Variants in FHIT observed in about 807,000 individuals in gnomAD.
FHIT encodes the protein bis(5'-adenosyl)-triphosphatase.
In FHIT, 19 loss-of-function variants were observed where a neutral mutation model predicts 17.9. The ratio of observed to expected loss-of-function variants is 1.06; its 90% confidence interval spans 0.74 to 1.56. FHIT has a LOEUF of 1.56. FHIT is among the 40% of genes most tolerant of loss of function. The pLI is 0.00. For missense variants in FHIT, 248 were observed against 189.2 expected (o/e 1.31, Z -1.82); for synonymous variants, 81 against 69.7 (o/e 1.16, Z -0.81).
At chr3:61,226,094 A>G (rs2039964644) in intron 1 of FHIT, among the ~76,000 whole-genome samples, 1 of 152,206 alleles carries the variant, frequency 6.6e-6, no homozygotes, top group South Asian at 2.1e-4. Context: ...TGGAATACTA[A>G]AACAGTTTTC....
At chr3:60,439,587 G>T (rs1266462558) in intron 5 of FHIT, among the ~76,000 whole-genome samples, 3 of 152,016 alleles carry the variant, frequency 2.0e-5, no homozygotes, top group Admixed American at 1.3e-4. Context: ...CCTGGTCTCA[G>T]TCAGTGATTC....
chr3:60,126,976 T>C (rs529581535), intron 5 of FHIT, among the ~76,000 whole-genome samples: 74 of 152,324 alleles, frequency 4.9e-4, no homozygotes, highest in African/African-American at 1.6e-3. Flanking sequence ...CCATTTTTCC[T>C]GTGAAATTTC....
chr3:60,755,189 T>C (rs2042548086), intron 4 of FHIT, among the ~76,000 whole-genome samples: 1 of 152,182 alleles, frequency 6.6e-6, no homozygotes, highest in South Asian at 2.1e-4. Flanking sequence ...ACCAGGACTC[T>C]CAAACTCAAG....
chr3:60,112,190 G>C (rs1161576979), intron 5 of FHIT, among the ~76,000 whole-genome samples: 1 of 152,102 alleles, frequency 6.6e-6, no homozygotes, highest in Non-Finnish European at 1.5e-5. Flanking sequence ...AGTTGGTGCT[G>C]GAGAAATAAC....
At chr3:60,121,815 C>G (rs1217952622) in intron 5 of FHIT, among the ~76,000 whole-genome samples, 2 of 151,876 alleles carry the variant, frequency 1.3e-5, no homozygotes, top group African/African-American at 4.8e-5. Flanking sequence ...TGAAATAAAC[C>G]TGTGATCCTA....
chr3:60,367,555 T>C (rs1700159610), intron 5 of FHIT, among the ~76,000 whole-genome samples: 1 of 152,232 alleles, frequency 6.6e-6, no homozygotes, highest in Non-Finnish European at 1.5e-5. Context: ...ATACATTTGA[T>C]GTATTTGAAA....
chr3:60,623,322 G>A (rs375018830), intron 4 of FHIT, among the ~76,000 whole-genome samples: 1 of 152,016 alleles, frequency 6.6e-6, no homozygotes, highest in Non-Finnish European at 1.5e-5. Flanking sequence ...CTCTAAATTC[G>A]ACATGCCATC....
At chr3:60,042,928 CTGTT>C (rs747676061) in intron 5 of FHIT, among the ~76,000 whole-genome samples, 10 of 152,270 alleles carry the variant, frequency 6.6e-5, no homozygotes, top group Middle Eastern at 3.4e-3. Context: ...ATTTCCCTGG[CTGTT>C]TGTTACCTTG....
intron 1 of FHIT, among the ~76,000 whole-genome samples, chr3:61,210,923 T>G (rs1450772477): frequency 6.6e-6 from 1 of 152,026 alleles, no homozygotes; most frequent in East Asian, 2.0e-4. Context: ...AGACTGGAAC[T>G]GTTCCTATTC....
At chr3:60,122,041 T>A (rs1705281230) in intron 5 of FHIT, among the ~76,000 whole-genome samples, 2 of 150,542 alleles carry the variant, frequency 1.3e-5, no homozygotes, top group South Asian at 4.2e-4. Flanking sequence ...CACTTGCAAA[T>A]CTTAAATTGT....
chr3:61,030,759 G>C (rs1272419102), intron 3 of FHIT, among the ~76,000 whole-genome samples: 1 of 152,196 alleles, frequency 6.6e-6, no homozygotes, highest in Admixed American at 6.5e-5. Context: ...AATATGGCAG[G>C]TCTGGTAGTT....
intron 5 of FHIT, among the ~76,000 whole-genome samples, chr3:60,401,767 C>A (rs974992557): frequency 1.3e-5 from 2 of 152,110 alleles, no homozygotes; most frequent in African/African-American, 2.4e-5. Context: ...AATTCTGGTA[C>A]AAAAGCAGTT....
intron 5 of FHIT, among the ~76,000 whole-genome samples, chr3:60,124,496 A>T (rs1705450367): frequency 6.6e-6 from 1 of 152,138 alleles, no homozygotes; most frequent in South Asian, 2.1e-4. Flanking sequence ...AGTGACTTCA[A>T]GTCAGCTCCA....
intron 5 of FHIT, among the ~76,000 whole-genome samples, chr3:60,398,230 A>G (rs1017443047): frequency 2.0e-5 from 3 of 152,152 alleles, no homozygotes; most frequent in African/African-American, 7.2e-5. Flanking sequence ...GCTATGAGGA[A>G]TGGGAAGCTG....
intron 7 of FHIT, among the ~76,000 whole-genome samples, chr3:60,009,049 A>C (rs766679183): frequency 2.0e-5 from 3 of 152,224 alleles, no homozygotes; most frequent in Non-Finnish European, 2.9e-5. Context: ...TACCAAAGTT[A>C]ATTTTCATGC....
At chr3:61,020,537 A>G (rs2032360744) in intron 3 of FHIT, among the ~76,000 whole-genome samples, 1 of 152,176 alleles carries the variant, frequency 6.6e-6, no homozygotes, top group Non-Finnish European at 1.5e-5. Flanking sequence ...ATGAAAAGGA[A>G]AAACTGGTAT....
At chr3:60,615,433 G>A (rs1394287093) in intron 4 of FHIT, among the ~76,000 whole-genome samples, 1 of 152,154 alleles carries the variant, frequency 6.6e-6, no homozygotes, top group Non-Finnish European at 1.5e-5. Flanking sequence ...TGAAGTTAAT[G>A]ACCAGTGCAA....
chr3:60,166,185 G>GAA (rs5849340), intron 5 of FHIT, among the ~76,000 whole-genome samples: 1 of 151,408 alleles, frequency 6.6e-6, no homozygotes, highest in Non-Finnish European at 1.5e-5. Context: ...ATTTGGGCTT[G>GAA]AAAAAAAATA....
At chr3:60,352,468 C>T (rs1699453717) in intron 5 of FHIT, among the ~76,000 whole-genome samples, 1 of 152,084 alleles carries the variant, frequency 6.6e-6, no homozygotes, top group South Asian at 2.1e-4. Flanking sequence ...ATATTTAATA[C>T]AAAAAGCTAT....
Sources: allele counts gnomAD v4.1 joint callset (sites outside exome capture counted in the v4.1 genomes callset), GRCh38; gene constraint gnomAD v4.1.1; transcripts MANE v1.5; gene names NCBI Gene and HGNC (gene_info 2026-07-23, HGNC 2026-07-21).